DNAAF8: variants seen among roughly 807,000 people sequenced by gnomAD.
The protein encoded by DNAAF8 is dynein axonemal assembly factor 8, also known as dynein axonemal-associated protein 1.
Under a neutral mutation model 54.6 loss-of-function variants are expected in DNAAF8, and 61 were observed. The ratio of observed to expected loss-of-function variants is 1.12; its 90% CI spans 0.91 to 1.38. The LOEUF is 1.38. Ranked by LOEUF, DNAAF8 falls within the 40% of genes most tolerant of loss-of-function variation. The pLI is 0.00. For missense variants in DNAAF8, 837 were observed against 665.0 expected, an observed-to-expected ratio of 1.26 and a Z score of -2.85; for synonymous variants, 320 against 270.1, an observed-to-expected ratio of 1.18 and a Z score of -1.81.
rs2082031896 is a variant in DNAAF8 at position 4,747,407 on chromosome 16, C to T, written c.1345C>T (p.Pro449Ser). ...LRAFQKGTAQ[P>S]ELPASKGPAG... The stretch of plus-strand genomic sequence containing the variant: ...GGCCTTTCAGAAGGGGACAGCCCAG[C>T]CCGAGCTGCCTGCCAGCAAGGGGCC... The change falls in exon 9 of 10, where the codon CCC (proline) becomes TCC (serine). Residue 449 changes from proline to serine, a missense_variant. Pro to Ser is a moderately conservative substitution (Grantham distance 74). Transcript: ENST00000299320. The T allele has an allele frequency of 4.3e-6, 7 of 1,612,594 alleles. No homozygotes were observed. Among genetic ancestry groups the T allele is most frequent in the Non-Finnish European group, 5.9e-6 (7 of 1,179,786 alleles).
Position 4,746,960 on chromosome 16 carries a change from G to T in DNAAF8, c.1215G>T (p.Glu405Asp). 6.4e-7 allele frequency: 1 copy of T among 1,555,108 alleles called. No homozygotes were observed. The highest frequency in any genetic ancestry group is 1.7e-4 in the Middle Eastern group (1 of 5,896). The change falls in exon 8 of 10, where the codon GAG (glutamate) becomes GAT (aspartate). Residue 405 changes from glutamate to aspartate, a missense_variant. Transcript: ENST00000299320. Reference protein sequence around the residue: ...SSHSSSDSEEEEEEEMAALGD... With the variant: ...SSHSSSDSEEDEEEEMAALGD... ...ACAGCTCCTCTGACAGTGAGGAGGA[G>T]GAGGAGGAAGAGATGGCAGCTCTGG...
chr16:4,737,371 G>C (rs1371893114), intron 2 of DNAAF8, among the ~76,000 whole-genome samples: 1 of 152,172 alleles, frequency 6.6e-6, no homozygotes, highest in African/African-American at 2.4e-5. Context: ...TCTCATTTGA[G>C]AGTATGAGCC....
chr16:4,745,151 C>T, intron 6 of DNAAF8, 140 bp downstream of exon 6: 2 of 1,138,950 alleles, frequency 1.8e-6, no homozygotes, highest in Admixed American at 2.6e-5. Flanking sequence ...CAGGCAGTCG[C>T]TCCAGTCATC....
rs116406544 is a variant in DNAAF8, at chr16:4,739,643, G to C, written c.277-510G>C. Among the ~76,000 whole-genome samples, 828 of 151,108 alleles carry C rather than the reference G, an allele frequency of 5.5e-3. 11 individuals are homozygous for C. The highest frequency in any genetic ancestry group is 0.019 in the African/African-American group (772 of 41,124). ...TGCTCACTGCAGCCTCCACCTCCCG[G>C]GCTGAAGCGATCCTCCCACTTCAGC... On this transcript the variant is annotated intron_variant, in intron 3 of 9. Coordinates refer to ENST00000299320, the MANE Select transcript of DNAAF8 (RefSeq NM_139170.3).
chr16:4,747,711 C>A (rs985398418), intron 9 of DNAAF8, 77 bp downstream of exon 9: 67 of 1,452,036 alleles, frequency 4.6e-5, no homozygotes, highest in Non-Finnish European at 2.9e-5. Context: ...CTTGTTGTTC[C>A]TGCATTTCCA....
In DNAAF8 at chr16:4,746,945, T is replaced by G; in HGVS notation, c.1200T>G (p.Ser400=). The change falls in exon 8 of 10, where the codon TCT becomes TCG. Residue 400 remains serine (S), a synonymous_variant. Transcript: ENST00000299320. ...CCTGCAGCTCCAGCCACAGCTCCTC[T>G]GACAGTGAGGAGGAGGAGGAGGAAG... ...LSPESSSHSS[S]DSEEEEEEEM... is the part of the protein sequence containing the mutation. 1 of 1,563,398 alleles carries G rather than the reference T, an allele frequency of 6.4e-7. No individual in the cohort carries two copies. Among genetic ancestry groups the G allele is most frequent in the East Asian group, 2.4e-5 (1 of 41,778 alleles).
intron 9 of DNAAF8, 89 bp from the exon 10 acceptor site, chr16:4,748,636 T>A (rs550172255): frequency 6.6e-6 from 1 of 152,550 alleles, no homozygotes; most frequent in South Asian, 2.1e-4. Flanking sequence ...CAGCACCGTC[T>A]TGCAGCCCCG....
Position 4,736,562 on chromosome 16 carries a change from G to A in DNAAF8, c.48G>A (p.Trp16Ter), listed in dbSNP as rs755054666. 45 of 1,588,254 alleles carry A rather than the reference G, an allele frequency of 2.8e-5. No individual in the cohort carries two copies. The Admixed American group carries it at 6.7e-4, about 24-fold the overall frequency. ...TGGCACCCTCGCTGGGCTCTCCCTG[G>A]GCCTCCCAGATGGGGCCCTGGGATG... The part of the protein sequence containing the change: ...KGMAPSLGSP[W>*]ASQMGPWDAI... The change falls in exon 2 of 10, where the codon TGG becomes TGA. Residue 16 changes from tryptophan to a stop codon, truncating the protein, a stop_gained. Coordinates refer to ENST00000299320, the MANE Select transcript of DNAAF8 (RefSeq NM_139170.3). LOFTEE classifies it high-confidence loss of function.
intron 2 of DNAAF8, among the ~76,000 whole-genome samples, chr16:4,737,014 C>G (rs859312): frequency 0.43 from 65,393 of 152,002 alleles, 16,792 homozygotes; most frequent in East Asian, 0.65. Flanking sequence ...AGAACACCCA[C>G]TGAGAATGCA....
At chr16:4,742,408 A>G (rs538855559) in intron 4 of DNAAF8, among the ~76,000 whole-genome samples, 1 of 152,102 alleles carries the variant, frequency 6.6e-6, no homozygotes, top group African/African-American at 2.4e-5. Context: ...CACAAAAATT[A>G]GGCTGGGCGT....
chr16:4,739,370 G>A (rs765445993), intron 3 of DNAAF8, among the ~76,000 whole-genome samples: 40 of 146,400 alleles, frequency 2.7e-4, no homozygotes, highest in Non-Finnish European at 1.6e-4. Flanking sequence ...GAGGTGGAAG[G>A]ATGACTTGTA....
rs937244059 is a variant in DNAAF8 at position 4,737,852 on chromosome 16, T to C, written c.182T>C (p.Leu61Pro). 3 of 1,613,986 alleles carry C rather than the reference T, an allele frequency of 1.9e-6. No individual in the cohort carries two copies. Among genetic ancestry groups the C allele is most frequent in the Non-Finnish European group, 1.7e-6 (2 of 1,179,960 alleles). Residue 61 changes from leucine (L) to proline (P), a missense_variant, in exon 3 of 10, where the codon CTG becomes CCG. Coordinates refer to ENST00000299320, the MANE Select transcript of DNAAF8 (RefSeq NM_139170.3). ...ATCTTCCAGCGAAACCAAACCTCCC[T>C]GATTCCAGACCTGTCGGAGGAGCTG... ...LFIFQRNQTSLIPDLSEELAE... is the reference protein window; with the variant it reads ...LFIFQRNQTSPIPDLSEELAE...
intron 2 of DNAAF8, 99 bp downstream of exon 2, chr16:4,736,742 CT>C (rs1396901067): frequency 3.2e-6 from 4 of 1,247,326 alleles, no homozygotes; most frequent in Non-Finnish European, 4.2e-6. Flanking sequence ...AAGACTTTTC[CT>C]GCTGACCTGT....
At chr16:4,738,427 G>A (rs910320607) in intron 3 of DNAAF8, among the ~76,000 whole-genome samples, 1 of 152,242 alleles carries the variant, frequency 6.6e-6, no homozygotes, top group Non-Finnish European at 1.5e-5. Context: ...ATCAGTGCCT[G>A]AGCAAGCACA....
intron 1 of DNAAF8, among the ~76,000 whole-genome samples, chr16:4,735,817 G>T (rs1374539721): frequency 6.6e-6 from 1 of 152,160 alleles, no homozygotes; most frequent in Non-Finnish European, 1.5e-5. Flanking sequence ...TTAGCCAGAT[G>T]TGGTGGTACA....
intron 2 of DNAAF8, 103 bp from the exon 3 acceptor site, chr16:4,737,697 G>T: frequency 1.4e-6 from 2 of 1,423,210 alleles, no homozygotes; most frequent in South Asian, 1.3e-5. Flanking sequence ...GGCTGGGCGG[G>T]CTGGGCTGGA....
rs758209528 is a variant in DNAAF8, at chr16:4,740,296, CGAG to C, written c.424_426del (p.Glu142del). Reference sequence around the variant, plus strand: ...AGGTCAGCGCTCTTCTTGGGATGGCCGAGGAGCCCCCCAGGTGGCTGGAAGGCG... The same window carrying C: ...AGGTCAGCGCTCTTCTTGGGATGGCCGAGCCCCCCAGGTGGCTGGAAGGCG... On this transcript the variant is annotated inframe_deletion, in exon 4 of 10. Coordinates refer to ENST00000299320, the MANE Select transcript of DNAAF8 (RefSeq NM_139170.3). The C allele has an allele frequency of 2.5e-6, 4 of 1,613,908 alleles. No homozygotes were observed. The South Asian group carries it at 3.3e-5, about 13-fold the overall frequency.
At chr16:4,744,226 T>C (rs1563444) in intron 5 of DNAAF8, among the ~76,000 whole-genome samples, 91,367 of 152,062 alleles carry the variant, frequency 0.6, 27,928 homozygotes, top group East Asian at 0.68. Flanking sequence ...CCACCGCGCT[T>C]GGCCGAATGT....
rs1308910829 is a variant in DNAAF8 at position 4,740,200 on chromosome 16, G to C, written c.324G>C (p.Gln108His). ...TGGCCACAGAACCTGGGTGCAGACA[G>C]AACACAAGGACAAAGGATGCATCCT... ...AELATEPGCRQNTRTKDASSQ... is the reference protein window; with the variant it reads ...AELATEPGCRHNTRTKDASSQ... The change falls in exon 4 of 10, where the codon CAG becomes CAC. Residue 108 changes from glutamine (Q) to histidine (H), a missense_variant. By Grantham distance (24) the Gln-to-His change is conservative. Transcript: ENST00000299320. The C allele has an allele frequency of 7.4e-6, 12 of 1,613,908 alleles. No homozygotes were observed. The highest frequency in any genetic ancestry group is 6.7e-5 in the African/African-American group (5 of 74,920).
Sources: gnomAD v4.1 joint callset for allele counts (sites outside exome capture counted in the v4.1 genomes callset) on GRCh38, gnomAD v4.1.1 for gene constraint, MANE v1.5 for transcripts, NCBI Gene and HGNC (gene_info 2026-07-23, HGNC 2026-07-21) for gene names.